CAMTA1: variants seen among roughly 807,000 people sequenced by gnomAD.
The protein encoded by CAMTA1 is calmodulin-binding transcription activator 1.
In CAMTA1, 27 loss-of-function variants were observed where a neutral mutation model predicts 170.9. The observed-to-expected ratio is 0.16, with a 90% confidence interval of 0.12 to 0.22. The LOEUF (loss-of-function observed/expected upper bound fraction) is 0.22. Among genes scored for constraint, CAMTA1 ranks in the 10% least tolerant of loss-of-function variants. CAMTA1 has a pLI of 1.00. For synonymous variants in CAMTA1, 833 were observed against 891.5 expected, an observed-to-expected ratio of 0.93 and a Z score of 1.17; for missense variants, 1,619 against 2,217.2, an observed-to-expected ratio of 0.73 and a Z score of 5.42.
At chr1:6,827,356 A>G (rs901109642) in intron 3 of CAMTA1, among the ~76,000 whole-genome samples, 2 of 152,212 alleles carry the variant, frequency 1.3e-5, no homozygotes, top group Non-Finnish European at 2.9e-5. Context: ...TCAGCTGACA[A>G]AAGCTCCTAT....
Position 7,093,287 on chromosome 1 carries a change from A to G in CAMTA1, c.302+1916A>G, listed in dbSNP as rs1010414720. On this transcript the variant is annotated intron_variant, in intron 4 of 22. Coordinates refer to ENST00000303635, the MANE Select transcript of CAMTA1 (RefSeq NM_015215.4). The surrounding 1 kb of genome is among the most constrained non-coding windows in gnomAD (Gnocchi z 4.6). Reference sequence around the variant, plus strand: ...TTCTAACAAGCTCCCAGGCAGTAGGATGTGGCTGGTCTGGGACTGTACTTT... The same window carrying G: ...TTCTAACAAGCTCCCAGGCAGTAGGGTGTGGCTGGTCTGGGACTGTACTTT... Among the ~76,000 whole-genome samples, 87 of 152,108 alleles carry G rather than the reference A, an allele frequency of 5.7e-4. 1 individual carries two copies. Among genetic ancestry groups the G allele is most frequent in the Admixed American group, 9.2e-4 (14 of 15,276 alleles).
intron 3 of CAMTA1, among the ~76,000 whole-genome samples, chr1:7,061,441 T>C (rs1708193307): frequency 6.6e-6 from 1 of 152,234 alleles, no homozygotes; most frequent in Non-Finnish European, 1.5e-5. Flanking sequence ...TGCATCATTC[T>C]GAGTAGCGGC....
intron 3 of CAMTA1, among the ~76,000 whole-genome samples, chr1:7,057,149 C>G (rs1317777584): frequency 1.3e-5 from 2 of 152,188 alleles, no homozygotes; most frequent in Non-Finnish European, 2.9e-5. Context: ...GGTCTGGGCT[C>G]CTTTCTATGT....
intron 5 of CAMTA1, among the ~76,000 whole-genome samples, chr1:7,418,352 A>G (rs1322259774): frequency 6.6e-6 from 1 of 152,010 alleles, no homozygotes; most frequent in African/African-American, 2.4e-5. Context: ...CCCACCACCA[A>G]TGTGCCTGAC....
chr1:7,613,205 C>G (rs2095535236), intron 6 of CAMTA1, among the ~76,000 whole-genome samples: 1 of 152,242 alleles, frequency 6.6e-6, no homozygotes, highest in African/African-American at 2.4e-5. Flanking sequence ...TTTGGCCACA[C>G]AGTTGGCAAG....
chr1:7,636,960 G>C (rs910987336), intron 6 of CAMTA1, among the ~76,000 whole-genome samples: 2 of 152,232 alleles, frequency 1.3e-5, no homozygotes, highest in African/African-American at 2.4e-5. Flanking sequence ...CCCTACTATG[G>C]TAGAGGCAGA....
Position 7,078,063 on chromosome 1 carries a change from T to A in CAMTA1, c.235-13241T>A, listed in dbSNP as rs77007197. 1.8e-3 allele frequency among the ~76,000 whole-genome samples: 275 copies of A among 152,300 alleles called. 3 individuals are homozygous for A. The highest frequency in any genetic ancestry group is 6.2e-3 in the African/African-American group (257 of 41,552). On this transcript the variant is annotated intron_variant, in intron 3 of 22. Coordinates refer to ENST00000303635, the MANE Select transcript of CAMTA1 (RefSeq NM_015215.4). ...TATTTAGCCATGGATTCAGAATTTA[T>A]CTCAAAGGGACGTGGCTACACAAAG...
At chr1:7,385,209 C>A (rs1262847793) in intron 5 of CAMTA1, among the ~76,000 whole-genome samples, 2 of 151,762 alleles carry the variant, frequency 1.3e-5, no homozygotes, top group African/African-American at 4.8e-5. Context: ...CCTGCCTCAG[C>A]CTCCTGAGTA....
intron 3 of CAMTA1, among the ~76,000 whole-genome samples, chr1:6,846,659 A>T (rs1557685590): frequency 6.6e-6 from 1 of 152,230 alleles, no homozygotes; most frequent in South Asian, 2.1e-4. Context: ...TAAATTTATA[A>T]TAATAAAGAA....
chr1:6,934,241 G>A lies in CAMTA1; in HGVS notation c.234+109031G>A, dbSNP rs1291890045. ...GTTTCAGGATGGGATGCTTTTGGCTGAGCCCAGGTGTCCTCTGAGAAATGT... is the reference window on the plus strand; with the variant it reads ...GTTTCAGGATGGGATGCTTTTGGCTAAGCCCAGGTGTCCTCTGAGAAATGT... On this transcript the variant is annotated intron_variant, in intron 3 of 22. Coordinates refer to ENST00000303635, the MANE Select transcript of CAMTA1 (RefSeq NM_015215.4). This position sits in a 1 kb window ranked among gnomAD's most constrained non-coding sequence, Gnocchi z 4.5. Among the ~76,000 whole-genome samples, 1 of 152,208 alleles carries A rather than the reference G, an allele frequency of 6.6e-6. No individual in the cohort carries two copies. The highest frequency in any genetic ancestry group is 1.5e-5 in the Non-Finnish European group (1 of 68,038).
At chr1:7,102,023 A>AACACACACACACAC (rs57209159) in intron 4 of CAMTA1, among the ~76,000 whole-genome samples, 1 of 148,706 alleles carries the variant, frequency 6.7e-6, no homozygotes, top group Non-Finnish European at 1.5e-5. Context: ...ATAAATACAC[A>AACACACACACACAC]ACACACACAC....
At chr1:7,475,838 G>A (rs2093411962) in intron 6 of CAMTA1, among the ~76,000 whole-genome samples, 1 of 152,236 alleles carries the variant, frequency 6.6e-6, no homozygotes, top group South Asian at 2.1e-4. Context: ...GGGTAGGCAG[G>A]GCCCTGGTCC....
chr1:7,386,334 C>G (rs2087983365), intron 5 of CAMTA1, among the ~76,000 whole-genome samples: 1 of 152,226 alleles, frequency 6.6e-6, no homozygotes, highest in Admixed American at 6.5e-5. Context: ...CGTCACCCAG[C>G]TGAGCTGTAC....
chr1:6,984,249 G>A (rs1445120375), intron 3 of CAMTA1, among the ~76,000 whole-genome samples: 1 of 151,688 alleles, frequency 6.6e-6, no homozygotes, highest in African/African-American at 2.4e-5. Flanking sequence ...GCAACATCAA[G>A]TACTTTGGGA....
Position 6,984,640 on chromosome 1 carries a change from C to T in CAMTA1, c.235-106664C>T, listed in dbSNP as rs774248310. ...AAAAGAAAATACTCACAAAAAACAA[C>T]AAAGAAATGTCTCCTGGGTGAGTAG... On this transcript the variant is annotated intron_variant, in intron 3 of 22. Transcript: ENST00000303635. Among the ~76,000 whole-genome samples, 10 of 152,244 alleles carry T rather than the reference C, an allele frequency of 6.6e-5. No homozygotes were observed. The South Asian group carries it at 1.5e-3, about 22-fold the overall frequency.
chr1:7,109,933 C>G (rs1365556630), intron 4 of CAMTA1, among the ~76,000 whole-genome samples: 2 of 152,146 alleles, frequency 1.3e-5, no homozygotes, highest in East Asian at 3.9e-4. Flanking sequence ...GGCTTAGCCC[C>G]ACATCTTCTG....
At chr1:7,192,602 G>C (rs576481125) in intron 4 of CAMTA1, among the ~76,000 whole-genome samples, 33 of 152,346 alleles carry the variant, frequency 2.2e-4, no homozygotes, top group Non-Finnish European at 4.1e-4. Context: ...ATTGAGCCGA[G>C]TGCCACCTGC....
intron 4 of CAMTA1, among the ~76,000 whole-genome samples, chr1:7,171,780 T>C (rs1649660348): frequency 6.6e-6 from 1 of 152,186 alleles, no homozygotes; most frequent in Non-Finnish European, 1.5e-5. Flanking sequence ...GTCCCCCTCC[T>C]ACAGCTCCTG....
chr1:7,726,750 C>T (rs990365064), intron 11 of CAMTA1, among the ~76,000 whole-genome samples: 1 of 152,172 alleles, frequency 6.6e-6, no homozygotes, highest in African/African-American at 2.4e-5. Context: ...ACTTGTTCTT[C>T]CGGTGCGACG....
Sources: gnomAD v4.1 joint callset for allele counts (sites outside exome capture counted in the v4.1 genomes callset) on GRCh38, gnomAD v4.1.1 for gene constraint, Gnocchi (gnomAD v3.1) non-coding constraint, MANE v1.5 for transcripts, NCBI Gene and HGNC (gene_info 2026-07-23, HGNC 2026-07-21) for gene names.